RYR3: variants seen among roughly 807,000 people sequenced by gnomAD.
RYR3 encodes brain ryanodine receptor-calcium release channel.
Under a neutral mutation model 584.3 loss-of-function variants are expected in RYR3, and 207 were observed. The ratio of observed to expected loss-of-function variants is 0.35; its 90% CI spans 0.32 to 0.40. RYR3 has a LOEUF of 0.40. Among genes scored for constraint, RYR3 ranks in the 10% least tolerant of loss-of-function variants. The probability of loss-of-function intolerance (pLI) is 1.00; values close to 1 mark genes in which losing one functional copy is unlikely to be tolerated. For synonymous variants in RYR3, 2,416 were observed against 2,248.5 expected, an observed-to-expected ratio of 1.07 and a Z score of -2.11; for missense variants, 5,616 against 6,089.2, an observed-to-expected ratio of 0.92 and a Z score of 2.59.
chr15:33,348,127 C>G (rs548852100), intron 1 of RYR3, among the ~76,000 whole-genome samples: 1 of 152,280 alleles, frequency 6.6e-6, no homozygotes, highest in Admixed American at 6.5e-5. Flanking sequence ...ATTATTCTGG[C>G]CTTCTCCCTT....
intron 2 of RYR3, among the ~76,000 whole-genome samples, chr15:33,492,573 A>G (rs1348299470): frequency 6.6e-6 from 1 of 152,064 alleles, no homozygotes; most frequent in Admixed American, 6.6e-5. Flanking sequence ...AATCTCAAAA[A>G]CATTTGGAAG....
Position 33,805,602 on chromosome 15 carries a change from C to T in RYR3, c.10012-1953C>T, listed in dbSNP as rs1313380641. The stretch of plus-strand genomic sequence containing the variant: ...ACACCATTCTCCTGCCTCAGCCTCC[C>T]AAGTAGCTGGGACTACAGGTGCCCG... On this transcript the variant is annotated intron_variant, in intron 69 of 103. Transcript: ENST00000634891. 4.6e-5 allele frequency among the ~76,000 whole-genome samples: 7 copies of T among 151,990 alleles called. No individual in the cohort carries two copies. In the East Asian group the frequency reaches 7.8e-4, roughly 17 times the overall value.
intron 59 of RYR3, among the ~76,000 whole-genome samples, chr15:33,757,026 T>G (rs1298010937): frequency 6.6e-6 from 1 of 152,022 alleles, no homozygotes; most frequent in Non-Finnish European, 1.5e-5. Context: ...AAGGGGAGAA[T>G]GAATTTGGGC....
At chr15:33,721,959 C>G (rs1057089198) in intron 43 of RYR3, among the ~76,000 whole-genome samples, 1 of 152,180 alleles carries the variant, frequency 6.6e-6, no homozygotes, top group Admixed American at 6.5e-5. Flanking sequence ...TCTCTAACCT[C>G]TGCCTTCCCA....
chr15:33,564,690 C>G (rs1383331126), intron 11 of RYR3, among the ~76,000 whole-genome samples: 5 of 152,114 alleles, frequency 3.3e-5, no homozygotes. Flanking sequence ...GGAACACACT[C>G]CAAGGACTCT....
chr15:33,618,410 G>T (rs1414849937), intron 19 of RYR3, among the ~76,000 whole-genome samples: 1 of 152,090 alleles, frequency 6.6e-6, no homozygotes, highest in Non-Finnish European at 1.5e-5. Flanking sequence ...CAATGCTGTG[G>T]AAATTATTGC....
At chr15:33,645,791 G>T (rs1037894286) in intron 28 of RYR3, among the ~76,000 whole-genome samples, 4 of 152,056 alleles carry the variant, frequency 2.6e-5, no homozygotes, top group African/African-American at 9.7e-5. Flanking sequence ...TGCAATGCTT[G>T]TGCCTAGGAA....
At chr15:33,424,365 A>G (rs1049217142) in intron 1 of RYR3, among the ~76,000 whole-genome samples, 2 of 152,218 alleles carry the variant, frequency 1.3e-5, no homozygotes, top group African/African-American at 4.8e-5. Flanking sequence ...GGTGCTATTA[A>G]TACTGCCTGC....
At chr15:33,703,020 C>A (rs1235564358) in intron 42 of RYR3, among the ~76,000 whole-genome samples, 1 of 152,132 alleles carries the variant, frequency 6.6e-6, no homozygotes, top group Non-Finnish European at 1.5e-5. Flanking sequence ...CTTCCTCTAG[C>A]TGAGGCAGCC....
intron 103 of RYR3, chr15:33,864,792 G>T (rs939645644): frequency 4.3e-6 from 1 of 232,846 alleles, no homozygotes; most frequent in African/African-American, 2.2e-5. Context: ...TGCAATAAAC[G>T]TTCCCTCAAG....
chr15:33,834,701 CTTTTG>C (rs374619752), intron 86 of RYR3, among the ~76,000 whole-genome samples: 2 of 152,242 alleles, frequency 1.3e-5, no homozygotes, highest in African/African-American at 2.4e-5. Context: ...CCAGTGTAAG[CTTTTG>C]TTTTAAGAAC....
At chr15:33,470,658 G>A (rs1204424818) in intron 1 of RYR3, among the ~76,000 whole-genome samples, 2 of 152,162 alleles carry the variant, frequency 1.3e-5, no homozygotes, top group African/African-American at 2.4e-5. Context: ...TCTAGGTTAT[G>A]ACATGGAAGG....
chr15:33,608,672 T>C (rs925413779), intron 18 of RYR3, among the ~76,000 whole-genome samples: 4 of 152,224 alleles, frequency 2.6e-5, no homozygotes, highest in African/African-American at 4.8e-5. Flanking sequence ...TTCTAGATAA[T>C]ATTAGTCCCA....
At chr15:33,624,821 A>C (rs778647720) in intron 20 of RYR3, among the ~76,000 whole-genome samples, 2 of 152,226 alleles carry the variant, frequency 1.3e-5, no homozygotes, top group Non-Finnish European at 2.9e-5. Flanking sequence ...ATAAATGAAA[A>C]GAGACCATGC....
In RYR3 at chr15:33,325,493, C is replaced by T. The variant is rs1264992475; in HGVS notation, c.51+14397C>T. ...TTAGCTTGTTTCTACTTTTATATTA[C>T]TCCTGTTTCCTTCTAGTCCTCATCT... On this transcript the variant is annotated intron_variant, in intron 1 of 103. Transcript: ENST00000634891. Among the ~76,000 whole-genome samples, 8 of 152,212 alleles carry T rather than the reference C, an allele frequency of 5.3e-5. No individual in the cohort carries two copies. In the East Asian group the frequency reaches 1.5e-3, roughly 29 times the overall value.
At chr15:33,728,392 T>A (rs975458391) in intron 46 of RYR3, among the ~76,000 whole-genome samples, 3 of 152,256 alleles carry the variant, frequency 2.0e-5, no homozygotes, top group East Asian at 1.9e-4. Context: ...TTACCTTTTT[T>A]AAATATCTAC....
intron 67 of RYR3, among the ~76,000 whole-genome samples, chr15:33,797,298 G>T (rs979142340): frequency 6.6e-6 from 1 of 152,096 alleles, no homozygotes; most frequent in African/African-American, 2.4e-5. Context: ...GAGACCCACA[G>T]ATCAGCTAGG....
chr15:33,690,601 A>C (rs1048338117), intron 38 of RYR3, among the ~76,000 whole-genome samples: 1 of 152,200 alleles, frequency 6.6e-6, no homozygotes, highest in African/African-American at 2.4e-5. Flanking sequence ...TGTCTCAGCT[A>C]CTTGATCAGA....
chr15:33,325,717 C>T (rs1268035474), intron 1 of RYR3, among the ~76,000 whole-genome samples: 1 of 119,316 alleles, frequency 8.4e-6, no homozygotes, highest in Non-Finnish European at 1.8e-5. Context: ...CTGCCTTCCC[C>T]CTCCCCCTCT....
Sources: allele counts gnomAD v4.1 joint callset (sites outside exome capture counted in the v4.1 genomes callset), GRCh38; gene constraint gnomAD v4.1.1; transcripts MANE v1.5; gene names NCBI Gene and HGNC (gene_info 2026-07-23, HGNC 2026-07-21).